The following LRP2 variants were observed in gnomAD, a reference collection of about 807,000 sequenced individuals.
LRP2 encodes low-density lipoprotein receptor-related protein 2.
LRP2 carries 172 observed loss-of-function variants against 531.0 expected under a neutral mutation model. That is an observed-to-expected ratio of 0.32 (90% CI 0.29 to 0.37). The LOEUF (loss-of-function observed/expected upper bound fraction) is 0.37. LRP2 is among the 10% of genes least tolerant of loss of function. LRP2 has a pLI of 1.00. For missense variants in LRP2, 5,167 were observed against 5,868.3 expected (o/e 0.88, Z 3.90); for synonymous variants, 1,992 against 2,027.6 (o/e 0.98, Z 0.47).
intron 1 of LRP2, among the ~76,000 whole-genome samples, chr2:169,338,385 AAAGAAAGAAAGAAAGAAAG>A (rs1190332728): frequency 1.6e-4 from 21 of 128,774 alleles, no homozygotes; most frequent in South Asian, 1.4e-3. Context: ...AGAAAGAAAG[AAAGAAAGAAAGAAAGAAAG>A]AAAGAAAAGA....
In LRP2 at chr2:169,317,472, G is replaced by A. The variant is rs1362507212; in HGVS notation, c.310+1290C>T. On this transcript the variant is annotated intron_variant, in intron 3 of 78. Transcript: ENST00000649046. Reference sequence around the variant, plus strand: ...AGCAGCTTTTATGCAATCAAGAAAGGCCAATAGGATAAATATGGCAGAGCA... The same window carrying A: ...AGCAGCTTTTATGCAATCAAGAAAGACCAATAGGATAAATATGGCAGAGCA... 3.9e-5 allele frequency among the ~76,000 whole-genome samples: 6 copies of A among 152,154 alleles called. No individual in the cohort carries two copies. In the East Asian group the frequency reaches 1.2e-3, roughly 29 times the overall value.
intron 7 of LRP2, 129 bp downstream of exon 7, chr2:169,292,124 C>A (rs1222922522): frequency 1.3e-5 from 10 of 757,072 alleles, no homozygotes; most frequent in Non-Finnish European, 2.3e-5. Flanking sequence ...CCTAAACAAC[C>A]CCTTCAACTC....
At chr2:169,227,461 T>C (rs1444217320) in intron 31 of LRP2, among the ~76,000 whole-genome samples, 1 of 152,194 alleles carries the variant, frequency 6.6e-6, no homozygotes, top group Non-Finnish European at 1.5e-5. Context: ...TTAATCTTTA[T>C]CCTGATCCCC....
chr2:169,174,744 A>C (rs903877873), intron 55 of LRP2, among the ~76,000 whole-genome samples: 1 of 150,954 alleles, frequency 6.6e-6, no homozygotes, highest in Admixed American at 6.6e-5. Context: ...TCCTGGGCTC[A>C]AGCGATCGAC....
At chr2:169,304,715 C>T (rs1318928782) in intron 4 of LRP2, among the ~76,000 whole-genome samples, 1 of 152,016 alleles carries the variant, frequency 6.6e-6, no homozygotes, top group Non-Finnish European at 1.5e-5. Context: ...AAGGTAAATC[C>T]AAAGTGGAAA....
chr2:169,180,007 T>G (rs1420417991), intron 52 of LRP2, among the ~76,000 whole-genome samples: 1 of 152,138 alleles, frequency 6.6e-6, no homozygotes, highest in Admixed American at 6.5e-5. Context: ...TCTACGTAAA[T>G]AATCTATATT....
chr2:169,171,908 T>C, intron 58 of LRP2, 107 bp downstream of exon 58: 1 of 1,373,630 alleles, frequency 7.3e-7, no homozygotes, highest in South Asian at 1.2e-5. Context: ...CAGCTTGATA[T>C]CATCCTACCC....
intron 68 of LRP2, among the ~76,000 whole-genome samples, chr2:169,149,757 A>C (rs1395282960): frequency 5.3e-5 from 8 of 152,002 alleles, no homozygotes; most frequent in Non-Finnish European, 1.2e-4. Context: ...AATCACTTGA[A>C]TCTTGGAGAC....
chr2:169,270,786 A>ATAAT (rs1559049976), intron 16 of LRP2, 118 bp downstream of exon 16: 1 of 440,724 alleles, frequency 2.3e-6, no homozygotes, highest in East Asian at 4.3e-5. Flanking sequence ...AAATAAATAA[A>ATAAT]TAAATAAGAC....
intron 68 of LRP2, among the ~76,000 whole-genome samples, chr2:169,147,817 T>TG (rs1685972263): frequency 6.6e-6 from 1 of 152,172 alleles, no homozygotes; most frequent in Non-Finnish European, 1.5e-5. Context: ...CAAGACCCTG[T>TG]GTAAGAGCTC....
At chr2:169,135,646 C>A (rs1246469255) in intron 76 of LRP2, among the ~76,000 whole-genome samples, 1 of 152,216 alleles carries the variant, frequency 6.6e-6, no homozygotes, top group Non-Finnish European at 1.5e-5. Flanking sequence ...CAGCCACCAA[C>A]TTAAAAAGGA....
chr2:169,194,087 T>C (rs1336356119), intron 46 of LRP2, among the ~76,000 whole-genome samples, 195 bp from the exon 47 acceptor site: 1 of 152,198 alleles, frequency 6.6e-6, no homozygotes, highest in African/African-American at 2.4e-5. Flanking sequence ...CAACTGACAG[T>C]GCAAAGCCCT....
chr2:169,155,073 T>C (rs1418023295), intron 65 of LRP2, among the ~76,000 whole-genome samples: 1 of 152,216 alleles, frequency 6.6e-6, no homozygotes, highest in Non-Finnish European at 1.5e-5. Flanking sequence ...GGTAATCAGC[T>C]CTATGACCCA....
At chr2:169,214,109 C>A (rs1476148976) in intron 35 of LRP2, among the ~76,000 whole-genome samples, 1 of 152,054 alleles carries the variant, frequency 6.6e-6, no homozygotes, top group Non-Finnish European at 1.5e-5. Context: ...AGTCAGTCAA[C>A]CTTTTCAGGT....
At chr2:169,193,642 T>C (rs1687905881) in intron 47 of LRP2, 119 bp downstream of exon 47, 2 of 1,235,340 alleles carry the variant, frequency 1.6e-6, no homozygotes, top group African/African-American at 1.5e-5. Context: ...GGTAACATTC[T>C]ATCAGTGTCC....
Position 169,307,382 on chromosome 2 carries a change from G to C in LRP2, c.326C>G (p.Ser109Ter). 1 of 1,609,304 alleles carries C rather than the reference G, an allele frequency of 6.2e-7. No individual in the cohort carries two copies. Among genetic ancestry groups the C allele is most frequent in the Non-Finnish European group, 8.5e-7 (1 of 1,175,704 alleles). ...ERQDCSQSTC[S>*]SHQITCSNGQ... is the part of the protein sequence containing the mutation. The stretch of plus-strand genomic sequence containing the variant: ...ATTGGAGCATGTTATCTGATGACTT[G>C]AGCATGTACTTTGTGCTGCGAAGAG... Residue 109 changes from serine to a stop codon, truncating the protein, a stop_gained, in exon 4 of 79, where the codon TCA becomes TGA. Transcript: ENST00000649046. LOFTEE classifies it high-confidence loss of function.
At chr2:169,311,180 T>A (rs1409517470) in intron 3 of LRP2, among the ~76,000 whole-genome samples, 5 of 152,134 alleles carry the variant, frequency 3.3e-5, no homozygotes, top group Non-Finnish European at 5.9e-5. Flanking sequence ...TTTTGAAGGG[T>A]TTTTTGTGTC....
Position 169,185,808 on chromosome 2 carries a change from TG to T in LRP2, c.9539del (p.Pro3180GlnfsTer30). ...VIGSYICKCAPGYLREPDGKT... is the reference protein window; with the variant it reads ...VIGSYICKCAXGYLREPDGKT... ...TTCCATCTGGTTCTCGGAGGTAGCCTGGGGCACACTTACAGATGTAGGAGCC... is the reference window on the plus strand; with the variant it reads ...TTCCATCTGGTTCTCGGAGGTAGCCTGGGCACACTTACAGATGTAGGAGCC... On this transcript the variant is annotated frameshift_variant, in exon 50 of 79. Coordinates refer to ENST00000649046, the MANE Select transcript of LRP2 (RefSeq NM_004525.3). LOFTEE classifies it high-confidence loss of function. 1 of 1,613,758 alleles carries T rather than the reference TG, an allele frequency of 6.2e-7. No homozygotes were observed. The highest frequency in any genetic ancestry group is 8.5e-7 in the Non-Finnish European group (1 of 1,179,894).
At chr2:169,204,749 T>C (rs1016396026) in intron 41 of LRP2, among the ~76,000 whole-genome samples, 1 of 152,174 alleles carries the variant, frequency 6.6e-6, no homozygotes, top group African/African-American at 2.4e-5. Context: ...ATCAGGAGGT[T>C]AGGTCTTGGC....
Sources: gnomAD v4.1 joint callset for allele counts (sites outside exome capture counted in the v4.1 genomes callset) on GRCh38, gnomAD v4.1.1 for gene constraint, MANE v1.5 for transcripts, NCBI Gene and HGNC (gene_info 2026-07-23, HGNC 2026-07-21) for gene names.